Variants in DCLK1 observed in about 807,000 individuals in gnomAD.
DCLK1 encodes serine/threonine-protein kinase DCLK1.
Under a neutral mutation model 86.2 loss-of-function variants are expected in DCLK1, and 16 were observed. The observed-to-expected ratio is 0.19, with a 90% CI of 0.13 to 0.28. The LOEUF (loss-of-function observed/expected upper bound fraction) is 0.28, where lower values mean the gene tolerates loss of function less well. DCLK1 is among the 10% of genes least tolerant of loss of function. DCLK1 has a pLI of 1.00. For synonymous variants in DCLK1, 369 were observed against 370.5 expected (o/e 1.00, Z 0.05); for missense variants, 590 against 940.2 (o/e 0.63, Z 4.87).
intron 3 of DCLK1, among the ~76,000 whole-genome samples, chr13:35,994,108 C>A (rs1197433264): frequency 6.9e-6 from 1 of 145,112 alleles, no homozygotes; most frequent in African/African-American, 2.5e-5. Context: ...ATGCAGCTTC[C>A]AAAAAAAAAA....
intron 16 of DCLK1, 85 bp from the exon 17 acceptor site, chr13:35,774,784 GA>G: frequency 6.9e-7 from 1 of 1,443,092 alleles, no homozygotes. Flanking sequence ...TCTGAGGTCA[GA>G]AAAAATACAC....
Position 35,781,177 on chromosome 13 carries a change from G to A in DCLK1, c.2059-6478C>T, listed in dbSNP as rs1593582029. Among the ~76,000 whole-genome samples, 3 of 152,334 alleles carry A rather than the reference G, an allele frequency of 2.0e-5. 1 individual carries two copies. Among genetic ancestry groups the A allele is most frequent in the African/African-American group, 4.8e-5 (2 of 41,570 alleles). The stretch of plus-strand genomic sequence containing the variant: ...TGAAGCATTAGCTTAGGTTTTGCCG[G>A]TCTGAGTCACCCCACGTCTCTATGC... On this transcript the variant is annotated intron_variant, in intron 16 of 16. Coordinates refer to ENST00000360631, the MANE Select transcript of DCLK1 (RefSeq NM_001330071.2).
rs189387829 is a variant in DCLK1 at position 36,115,871 on chromosome 13, A to G, written c.377-3656T>C. Reference sequence around the variant, plus strand: ...AAAGTTGGAGGATGAAATAATATCTAAGTAAGCATACTAGATTATTTTTAA... The same window carrying G: ...AAAGTTGGAGGATGAAATAATATCTGAGTAAGCATACTAGATTATTTTTAA... On this transcript the variant is annotated intron_variant, in intron 2 of 16. Transcript: ENST00000360631. Among the ~76,000 whole-genome samples, 10 of 149,472 alleles carry G rather than the reference A, an allele frequency of 6.7e-5. No individual in the cohort carries two copies. In the Admixed American group the frequency reaches 6.8e-4, roughly 10 times the overall value.
intron 3 of DCLK1, among the ~76,000 whole-genome samples, chr13:36,099,984 A>G (rs1216038670): frequency 6.6e-6 from 1 of 152,070 alleles, no homozygotes; most frequent in Non-Finnish European, 1.5e-5. Context: ...TTCTCAATAC[A>G]CAGTGGCTAA....
intron 3 of DCLK1, among the ~76,000 whole-genome samples, chr13:36,090,590 G>C: frequency 6.6e-6 from 1 of 152,152 alleles, no homozygotes; most frequent in Non-Finnish European, 1.5e-5. Context: ...AACGTAGGTA[G>C]GAGAGGAAAG....
At chr13:35,955,962 T>C (rs899783821) in intron 3 of DCLK1, among the ~76,000 whole-genome samples, 3 of 151,898 alleles carry the variant, frequency 2.0e-5, no homozygotes, top group African/African-American at 7.3e-5. Flanking sequence ...AAGAATAGAG[T>C]TTACTTAGAA....
At chr13:35,868,753 T>C (rs1436112114) in intron 5 of DCLK1, among the ~76,000 whole-genome samples, 2 of 152,150 alleles carry the variant, frequency 1.3e-5, no homozygotes, top group Non-Finnish European at 2.9e-5. Flanking sequence ...CCTTTATTGC[T>C]CCATGGGAGT....
chr13:36,102,266 A>G (rs1885245755), intron 3 of DCLK1, among the ~76,000 whole-genome samples: 1 of 149,490 alleles, frequency 6.7e-6, no homozygotes, highest in Non-Finnish European at 1.5e-5. Flanking sequence ...AATAAAAAAA[A>G]TCAATTTTAT....
intron 3 of DCLK1, among the ~76,000 whole-genome samples, chr13:35,986,300 CAAAAAAAAAAAAAAAA>C (rs60156251): frequency 4.5e-5 from 2 of 44,400 alleles, no homozygotes; most frequent in Admixed American, 4.1e-4. Flanking sequence ...GACTCCGTCT[CAAAAAAAAAAAAAAAA>C]AAAAAAAAAA....
chr13:36,062,761 T>C (rs561182830), intron 3 of DCLK1, among the ~76,000 whole-genome samples: 1 of 152,302 alleles, frequency 6.6e-6, no homozygotes, highest in African/African-American at 2.4e-5. Context: ...ATAGGCGTCA[T>C]TGTGGAAACT....
At chr13:35,790,974 T>C (rs1273998481) in intron 16 of DCLK1, among the ~76,000 whole-genome samples, 1 of 152,160 alleles carries the variant, frequency 6.6e-6, no homozygotes, top group African/African-American at 2.4e-5. Flanking sequence ...GTGGCCAAAA[T>C]AGCCAGTTTC....
Position 35,906,478 on chromosome 13 carries a change from G to A in DCLK1, c.824-35138C>T, listed in dbSNP as rs566065176. ...TACTTCTGGTGTGAAGGGTTAGAAAGATTTCACAGAAATTGCATTTGTGCT... is the reference window on the plus strand; with the variant it reads ...TACTTCTGGTGTGAAGGGTTAGAAAAATTTCACAGAAATTGCATTTGTGCT... On this transcript the variant is annotated intron_variant, in intron 4 of 16. Transcript: ENST00000360631. 1.7e-3 allele frequency among the ~76,000 whole-genome samples: 259 copies of A among 152,308 alleles called. 1 individual carries two copies. Among genetic ancestry groups the A allele is most frequent in the Non-Finnish European group, 3.4e-3 (229 of 68,024 alleles).
chr13:35,939,987 A>G (rs547154866), intron 4 of DCLK1, among the ~76,000 whole-genome samples: 1 of 152,334 alleles, frequency 6.6e-6, no homozygotes, highest in South Asian at 2.1e-4. Flanking sequence ...ATCCCCTGAC[A>G]TCTTTACACA....
At chr13:36,113,595 C>A (rs9546404) in intron 2 of DCLK1, among the ~76,000 whole-genome samples, 90,462 of 151,876 alleles carry the variant, frequency 0.6, 27,591 homozygotes, top group East Asian at 0.86. Flanking sequence ...TGATGACCTG[C>A]ACATGATAGT....
chr13:35,813,599 A>C (rs7996131), intron 11 of DCLK1, among the ~76,000 whole-genome samples: 3,603 of 152,256 alleles, frequency 0.024, 121 homozygotes, highest in African/African-American at 0.083. Context: ...GTACTAATAC[A>C]AAATGATTAT....
intron 3 of DCLK1, among the ~76,000 whole-genome samples, chr13:36,039,841 A>G (rs1299534004): frequency 6.6e-6 from 1 of 152,112 alleles, no homozygotes; most frequent in Non-Finnish European, 1.5e-5. Flanking sequence ...AATAAAGTAT[A>G]TTTTCCCTAA....
chr13:35,942,533 C>A (rs190387688), intron 4 of DCLK1, among the ~76,000 whole-genome samples: 282 of 152,312 alleles, frequency 1.9e-3, no homozygotes, highest in African/African-American at 6.4e-3. Flanking sequence ...CAAAGCAGAA[C>A]CTTGTGGTGT....
At chr13:35,972,458 C>G (rs1879117919) in intron 3 of DCLK1, among the ~76,000 whole-genome samples, 1 of 152,156 alleles carries the variant, frequency 6.6e-6, no homozygotes, top group African/African-American at 2.4e-5. Context: ...GAGCTACACA[C>G]ATAGTATCCA....
intron 10 of DCLK1, 71 bp from the exon 11 acceptor site, chr13:35,822,946 G>C: frequency 3.9e-6 from 6 of 1,551,384 alleles, no homozygotes; most frequent in Non-Finnish European, 5.3e-6. Context: ...AGAGGCCATT[G>C]ACAAACCCCA....
Sources: gnomAD v4.1 joint callset for allele counts (sites outside exome capture counted in the v4.1 genomes callset) on GRCh38, gnomAD v4.1.1 for gene constraint, MANE v1.5 for transcripts, NCBI Gene and HGNC (gene_info 2026-07-23, HGNC 2026-07-21) for gene names.